Variants in UBE2E2 observed in about 807,000 individuals in gnomAD.
UBE2E2 encodes ubiquitin-conjugating enzyme E2 E2.
A neutral mutation model predicts 24.7 loss-of-function variants in UBE2E2; 6 were observed. That is an observed-to-expected ratio of 0.24 (90% confidence interval 0.13 to 0.48). The LOEUF is 0.48. Among genes scored for constraint, UBE2E2 ranks in the 20% least tolerant of loss-of-function variants. The pLI is 0.99. For missense variants in UBE2E2, 169 were observed against 245.0 expected (o/e 0.69, Z 2.07); for synonymous variants, 104 against 83.6 (o/e 1.24, Z -1.33).
At chr3:23,490,061 A>G (rs186567024) in intron 3 of UBE2E2, among the ~76,000 whole-genome samples, 2 of 152,210 alleles carry the variant, frequency 1.3e-5, no homozygotes, top group African/African-American at 4.8e-5. Flanking sequence ...TAATTAAAGG[A>G]TTGCAGATAT....
intron 3 of UBE2E2, among the ~76,000 whole-genome samples, chr3:23,443,589 A>C (rs1173594642): frequency 6.6e-6 from 1 of 152,170 alleles, no homozygotes; most frequent in African/African-American, 2.4e-5. Context: ...GCAAGTGGGG[A>C]ATCCAAAGCA....
At chr3:23,526,045 A>G (rs1336402448) in intron 4 of UBE2E2, among the ~76,000 whole-genome samples, 1 of 152,206 alleles carries the variant, frequency 6.6e-6, no homozygotes, top group Non-Finnish European at 1.5e-5. Context: ...CTAGAAAAGA[A>G]TGCTGGCTGC....
At chr3:23,302,718 C>T (rs1396339703) in intron 3 of UBE2E2, among the ~76,000 whole-genome samples, 1 of 152,184 alleles carries the variant, frequency 6.6e-6, no homozygotes, top group African/African-American at 2.4e-5. Flanking sequence ...CAGTTAATTT[C>T]CTATATACAG....
chr3:23,358,380 T>G (rs1243936837), intron 3 of UBE2E2, among the ~76,000 whole-genome samples: 2 of 152,332 alleles, frequency 1.3e-5, no homozygotes, highest in South Asian at 2.1e-4. Context: ...ACAATGATGC[T>G]TAAAGGTTCA....
intron 3 of UBE2E2, among the ~76,000 whole-genome samples, chr3:23,494,568 A>C (rs557546740): frequency 6.6e-6 from 1 of 152,162 alleles, no homozygotes. Flanking sequence ...TGGGTTCTCA[A>C]CTGGTACATA....
chr3:23,430,713 A>C (rs1186266888), intron 3 of UBE2E2, among the ~76,000 whole-genome samples: 1 of 151,850 alleles, frequency 6.6e-6, no homozygotes, highest in Non-Finnish European at 1.5e-5. Flanking sequence ...TAGAGATGGG[A>C]TATCCCTATG....
At chr3:23,302,719 C>T (rs1198197547) in intron 3 of UBE2E2, among the ~76,000 whole-genome samples, 1 of 152,158 alleles carries the variant, frequency 6.6e-6, no homozygotes, top group African/African-American at 2.4e-5. Flanking sequence ...AGTTAATTTC[C>T]TATATACAGC....
chr3:23,260,062 A>G (rs1697855053), intron 3 of UBE2E2, among the ~76,000 whole-genome samples: 1 of 152,110 alleles, frequency 6.6e-6, no homozygotes, highest in Non-Finnish European at 1.5e-5. Context: ...TATCTTTTTG[A>G]TTCATCACAA....
intron 3 of UBE2E2, among the ~76,000 whole-genome samples, chr3:23,299,947 G>A (rs1177303349): frequency 6.6e-6 from 1 of 152,086 alleles, no homozygotes; most frequent in Non-Finnish European, 1.5e-5. Flanking sequence ...CTCAGGACTT[G>A]CTTTATGAAT....
In UBE2E2 at chr3:23,492,552, A is replaced by G. The variant is rs148265120; in HGVS notation, c.228-7056A>G. Among the ~76,000 whole-genome samples the G allele has an allele frequency of 4.6e-5, 7 of 152,326 alleles. No individual in the cohort carries two copies. The East Asian group carries it at 1.3e-3, about 29-fold the overall frequency. Reference sequence around the variant, plus strand: ...TGTAGTATGATTAGATTTTTTAAACACACAGTTTAGGTATCCATTACCATT... The same window carrying G: ...TGTAGTATGATTAGATTTTTTAAACGCACAGTTTAGGTATCCATTACCATT... On this transcript the variant is annotated intron_variant, in intron 3 of 5. Transcript: ENST00000396703.
intron 3 of UBE2E2, among the ~76,000 whole-genome samples, chr3:23,393,418 C>T (rs1697000098): frequency 2.0e-5 from 3 of 152,134 alleles, no homozygotes; most frequent in Admixed American, 6.6e-5. Flanking sequence ...AAGATGTGGT[C>T]GCTGGACCAG....
At chr3:23,330,724 C>G (rs1048911395) in intron 3 of UBE2E2, among the ~76,000 whole-genome samples, 1 of 152,160 alleles carries the variant, frequency 6.6e-6, no homozygotes, top group Non-Finnish European at 1.5e-5. Flanking sequence ...ATGCTCCAGA[C>G]TTTTCAGTTC....
chr3:23,367,768 C>T (rs757529512), intron 3 of UBE2E2, among the ~76,000 whole-genome samples: 11 of 151,684 alleles, frequency 7.3e-5, no homozygotes, highest in African/African-American at 1.7e-4. Flanking sequence ...TGTGCAAAGG[C>T]GGAGGGGTGG....
intron 3 of UBE2E2, among the ~76,000 whole-genome samples, chr3:23,219,757 G>A (rs1245575700): frequency 1.3e-5 from 2 of 152,100 alleles, no homozygotes; most frequent in African/African-American, 2.4e-5. Context: ...TGGTTCCCTG[G>A]GTAGTTGTTA....
At chr3:23,380,796 C>T (rs1696649258) in intron 3 of UBE2E2, among the ~76,000 whole-genome samples, 1 of 152,104 alleles carries the variant, frequency 6.6e-6, no homozygotes, top group South Asian at 2.1e-4. Flanking sequence ...ATTTCAGGTA[C>T]AGTGTAGGTT....
chr3:23,570,395 A>T (rs996266766), intron 5 of UBE2E2, among the ~76,000 whole-genome samples: 1 of 152,152 alleles, frequency 6.6e-6, no homozygotes, highest in African/African-American at 2.4e-5. Context: ...CCCCTTGCCC[A>T]GCCCAGCCCA....
chr3:23,441,016 A>C (rs1344860710), intron 3 of UBE2E2, among the ~76,000 whole-genome samples: 1 of 152,168 alleles, frequency 6.6e-6, no homozygotes, highest in Non-Finnish European at 1.5e-5. Flanking sequence ...CTGACATTTT[A>C]GTTAGAATTC....
chr3:23,523,314 T>TG (rs1387072588), intron 4 of UBE2E2, among the ~76,000 whole-genome samples: 1 of 152,214 alleles, frequency 6.6e-6, no homozygotes, highest in African/African-American at 2.4e-5. Flanking sequence ...TCTAAGAGAT[T>TG]TGCTTCCCGT....
chr3:23,355,403 G>T (rs1695914363), intron 3 of UBE2E2, among the ~76,000 whole-genome samples: 1 of 152,034 alleles, frequency 6.6e-6, no homozygotes, highest in South Asian at 2.1e-4. Context: ...AAGAAGTCAT[G>T]CTTCCTCTTA....
Sources: gnomAD v4.1 joint callset for allele counts (sites outside exome capture counted in the v4.1 genomes callset) on GRCh38, gnomAD v4.1.1 for gene constraint, MANE v1.5 for transcripts, NCBI Gene and HGNC (gene_info 2026-07-23, HGNC 2026-07-21) for gene names.